The following AMTN variants were observed in gnomAD, a reference collection of about 807,000 sequenced individuals.
AMTN encodes amelotin.
A neutral mutation model predicts 27.4 loss-of-function variants in AMTN; 29 were observed. The ratio of observed to expected loss-of-function variants is 1.06; its 90% CI spans 0.79 to 1.44. The LOEUF (loss-of-function observed/expected upper bound fraction) is 1.44. Among genes scored for constraint, AMTN ranks in the 40% most tolerant of loss-of-function variants. The pLI, the probability that AMTN is intolerant of heterozygous loss-of-function variation, is 0.00. For missense variants in AMTN, 247 were observed against 248.8 expected (o/e 0.99, Z 0.05); for synonymous variants, 86 against 95.7 (o/e 0.90, Z 0.59).
intron 7 of AMTN, 65 bp from the exon 8 acceptor site, chr4:70,530,974 C>G (rs1325816231): frequency 1.9e-6 from 3 of 1,576,594 alleles, no homozygotes; most frequent in African/African-American, 2.7e-5. Flanking sequence ...AACTTGCTCC[C>G]CTTAAAAGAG....
At chr4:70,529,106 T>A (rs1736159233) in intron 6 of AMTN, 78 bp from the exon 7 acceptor site, 2 of 1,248,928 alleles carry the variant, frequency 1.6e-6, no homozygotes, top group Non-Finnish European at 2.2e-6. Flanking sequence ...ATTTTAAGTT[T>A]TAAGTGATAT....
At chr4:70,525,841 A>T (rs1020329654) in intron 5 of AMTN, among the ~76,000 whole-genome samples, 3 of 152,164 alleles carry the variant, frequency 2.0e-5, no homozygotes, top group African/African-American at 7.2e-5. Flanking sequence ...TCAAGGCTGC[A>T]GTGAGCAGCG....
chr4:70,526,283 C>A (rs1382889356), intron 5 of AMTN, among the ~76,000 whole-genome samples: 1 of 152,002 alleles, frequency 6.6e-6, no homozygotes, highest in Non-Finnish European at 1.5e-5. Flanking sequence ...CTTTTTTCCA[C>A]AAATATATTT....
At chr4:70,530,931 A>C in intron 7 of AMTN, 108 bp from the exon 8 acceptor site, 3 of 1,443,494 alleles carry the variant, frequency 2.1e-6, no homozygotes, top group Admixed American at 2.2e-5. Context: ...GTCTTCTCTG[A>C]CTTTACTCTC....
At chr4:70,521,945 G>A (rs191360308) in intron 2 of AMTN, among the ~76,000 whole-genome samples, 2 of 152,174 alleles carry the variant, frequency 1.3e-5, no homozygotes, top group East Asian at 1.9e-4. Context: ...TCATAACTAA[G>A]GGGGAAATTC....
chr4:70,530,710 C>T (rs1000641520), intron 7 of AMTN, among the ~76,000 whole-genome samples: 2 of 152,160 alleles, frequency 1.3e-5, no homozygotes, highest in Non-Finnish European at 2.9e-5. Flanking sequence ...TGAAAGCCAT[C>T]AGGATTAATC....
chr4:70,529,664 A>G (rs1411189916), intron 7 of AMTN, among the ~76,000 whole-genome samples: 1 of 152,194 alleles, frequency 6.6e-6, no homozygotes, highest in Admixed American at 6.5e-5. Flanking sequence ...TCCTACACAC[A>G]TAAATAATTG....
In AMTN at chr4:70,524,883, T is replaced by C; in HGVS notation, c.216T>C (p.Ala72=). Residue 72 remains alanine, a synonymous_variant, in exon 5 of 9, where the codon GCT becomes GCC. Transcript: ENST00000339336. ...TCCTTGCCCTACAGTTAAATCCTGC[T>C]GCAGGAATGACACCTGGTACCCAGA... is the stretch of plus-strand genomic sequence containing the variant. ...LGPDLHLLNP[A]AGMTPGTQTH... The C allele has an allele frequency of 6.2e-7, 1 of 1,614,022 alleles. No homozygotes were observed. Among genetic ancestry groups the C allele is most frequent in the South Asian group, 1.1e-5 (1 of 91,070 alleles).
In AMTN at chr4:70,531,170, C is replaced by T; in HGVS notation, c.489C>T (p.Ala163=). ...LPAGGAGVNP[A]TQGTPAGRLP... is the part of the protein sequence containing the mutation. ...CAGGAGGAGCAGGTGTAAATCCTGCCACCCAGGGAACCCCAGCAGGCCGCC... is the reference window on the plus strand; with the variant it reads ...CAGGAGGAGCAGGTGTAAATCCTGCTACCCAGGGAACCCCAGCAGGCCGCC... The change falls in exon 8 of 9, where the codon GCC becomes GCT. Residue 163 remains alanine, a synonymous_variant. Transcript: ENST00000339336. 2 of 1,613,960 alleles carry T rather than the reference C, an allele frequency of 1.2e-6. No individual in the cohort carries two copies. The highest frequency in any genetic ancestry group is 1.7e-6 in the Non-Finnish European group (2 of 1,179,952).
chr4:70,525,388 C>T (rs73826540), intron 5 of AMTN, among the ~76,000 whole-genome samples: 7,525 of 152,132 alleles, frequency 0.049, 588 homozygotes, highest in African/African-American at 0.16. Context: ...CCCATTTTTG[C>T]GCCTTTTCAT....
intron 3 of AMTN, 58 bp downstream of exon 3, chr4:70,522,896 A>G (rs1003776088): frequency 6.5e-7 from 1 of 1,532,420 alleles, no homozygotes; most frequent in Non-Finnish European, 9.0e-7. Flanking sequence ...CGGAACATGT[A>G]CAAACCGGTA....
At chr4:70,525,098 G>C (rs1160424066) in intron 5 of AMTN, 137 bp downstream of exon 5, 2 of 717,098 alleles carry the variant, frequency 2.8e-6, no homozygotes, top group Non-Finnish European at 4.6e-6. Flanking sequence ...GCTGAACATA[G>C]ACCAGTATTT....
In AMTN at chr4:70,524,948, A is replaced by T; in HGVS notation, c.281A>T (p.Gln94Leu). The change falls in exon 5 of 9, where the codon CAA (glutamine) becomes CTA (leucine). Residue 94 changes from glutamine to leucine, a missense_variant. Physicochemically the swap from Gln to Leu is moderately radical, Grantham distance 113 (BLOSUM62 -2). Transcript: ENST00000339336. ...CTGGGAGGGTTGAATGTACAACAGC[A>T]ACTGCACCCACATGTAAGTTGAACA... ...LTLGGLNVQQ[Q>L]LHPHVLPIFV... 6.2e-7 allele frequency: 1 copy of T among 1,613,996 alleles called. No individual in the cohort carries two copies. Among genetic ancestry groups the T allele is most frequent in the Non-Finnish European group, 8.5e-7 (1 of 1,179,896 alleles).
intron 2 of AMTN, among the ~76,000 whole-genome samples, chr4:70,519,842 T>C (rs1317906624): frequency 5.9e-5 from 9 of 152,144 alleles, no homozygotes; most frequent in Admixed American, 5.9e-4. Flanking sequence ...GGTGGGATTA[T>C]GCGGGGGGAG....
rs913837292 is a variant in AMTN, at chr4:70,518,936, C to A, written c.54+105C>A. 5 of 912,900 alleles carry A rather than the reference C, an allele frequency of 5.5e-6. No homozygotes were observed. In the African/African-American group the frequency reaches 8.1e-5, roughly 15 times the overall value. The allele number at this position is 912,900 out of a possible 1,614,324, so 56.5% of individuals were successfully genotyped here. A position where few individuals can be genotyped will look rare whatever the true frequency, so the allele number is the denominator to read the frequency against. ...CCATCAAAACTGCTCTGTTTTGTGACTCATTCCCTGAGAGTGTCCAGTGTT... is the reference window on the plus strand; with the variant it reads ...CCATCAAAACTGCTCTGTTTTGTGAATCATTCCCTGAGAGTGTCCAGTGTT... On this transcript the variant is annotated intron_variant, in intron 2 of 8. Coordinates refer to ENST00000339336, the MANE Select transcript of AMTN (RefSeq NM_212557.4).
At chr4:70,523,184 C>T (rs1736018309) in intron 3 of AMTN, among the ~76,000 whole-genome samples, 1 of 152,184 alleles carries the variant, frequency 6.6e-6, no homozygotes, top group South Asian at 2.1e-4. Flanking sequence ...GTGGCATTAT[C>T]ATATGCAGTA....
At chr4:70,525,006 T>C (rs1378557150) in intron 5 of AMTN, 45 bp downstream of exon 5, 3 of 1,560,368 alleles carry the variant, frequency 1.9e-6, no homozygotes, top group African/African-American at 1.4e-5. Context: ...AGAGAGCATT[T>C]TCTCTCAGGT....
intron 6 of AMTN, 37 bp from the exon 7 acceptor site, chr4:70,529,147 T>C: frequency 6.6e-7 from 1 of 1,511,796 alleles, no homozygotes; most frequent in Non-Finnish European, 8.9e-7. Flanking sequence ...TACATTAAAA[T>C]GTGTCTAACA....
intron 3 of AMTN, among the ~76,000 whole-genome samples, chr4:70,523,466 G>A (rs1415216392): frequency 2.0e-5 from 3 of 152,100 alleles, no homozygotes; most frequent in African/African-American, 7.3e-5. Flanking sequence ...AGAGTCTAAA[G>A]TCTTCTCCTC....
Sources: gnomAD v4.1 joint callset for allele counts (sites outside exome capture counted in the v4.1 genomes callset) on GRCh38, gnomAD v4.1.1 for gene constraint, MANE v1.5 for transcripts, NCBI Gene and HGNC (gene_info 2026-07-23, HGNC 2026-07-21) for gene names.